COL25A1: variants seen among roughly 807,000 people sequenced by gnomAD.
COL25A1 encodes collagen type XXV alpha 1 chain, also known as collagen alpha-1(XXV) chain.
A neutral mutation model predicts 128.4 loss-of-function variants in COL25A1; 103 were observed. The observed-to-expected ratio is 0.80, with a 90% CI of 0.68 to 0.94. The LOEUF is 0.94. COL25A1 is among the 40% of genes least tolerant of loss of function. COL25A1 has a pLI of 0.00. For synonymous variants in COL25A1, 279 were observed against 277.2 expected (o/e 1.01, Z -0.06); for missense variants, 745 against 840.0 (o/e 0.89, Z 1.40).
At chr4:109,202,362 T>C (rs916001516) in intron 3 of COL25A1, among the ~76,000 whole-genome samples, 1 of 151,896 alleles carries the variant, frequency 6.6e-6, no homozygotes, top group Non-Finnish European at 1.5e-5. Flanking sequence ...ATGGAGAATG[T>C]TTTTTCAACA....
At chr4:108,933,877 C>CA (rs993521990) in intron 11 of COL25A1, among the ~76,000 whole-genome samples, 100 of 151,350 alleles carry the variant, frequency 6.6e-4, no homozygotes, top group African/African-American at 2.3e-3. Flanking sequence ...CACACACACA[C>CA]AATGTGTGAA....
At chr4:109,174,339 C>T (rs147531780) in intron 3 of COL25A1, among the ~76,000 whole-genome samples, 39 of 152,294 alleles carry the variant, frequency 2.6e-4, no homozygotes, top group Admixed American at 3.9e-4. Flanking sequence ...CCATTCTGTC[C>T]TGACAGATAA....
Position 109,050,078 on chromosome 4 carries a change from G to C in COL25A1, c.412+57C>G, listed in dbSNP as rs1040402545. ...ATATTATCATTAATTAGGAAGAACA[G>C]ATGCCGGAACTTAACCAGAACATGA... On this transcript the variant is annotated intron_variant, in intron 4 of 37. Transcript: ENST00000399132. The C allele has an allele frequency of 4.2e-6, 6 of 1,420,958 alleles. No individual in the cohort carries two copies. The African/African-American group carries it at 8.5e-5, about 20-fold the overall frequency. The allele number at this position is 1,420,958 out of a possible 1,614,324, so 88.0% of individuals were successfully genotyped here.
intron 3 of COL25A1, among the ~76,000 whole-genome samples, chr4:109,274,487 T>C (rs1225756131): frequency 1.3e-5 from 2 of 152,144 alleles, no homozygotes; most frequent in East Asian, 1.9e-4. Context: ...AATGAATAGC[T>C]AATAAAGAGT....
intron 3 of COL25A1, among the ~76,000 whole-genome samples, chr4:109,156,015 A>G (rs1045874525): frequency 6.6e-6 from 1 of 152,218 alleles, no homozygotes; most frequent in Non-Finnish European, 1.5e-5. Flanking sequence ...CTGTAGGAAC[A>G]AACTCTAAGT....
chr4:109,270,021 C>G (rs540672879), intron 3 of COL25A1, among the ~76,000 whole-genome samples: 6 of 152,008 alleles, frequency 3.9e-5, no homozygotes, highest in African/African-American at 1.5e-4. Flanking sequence ...ATTCAACAAC[C>G]TTTCATGCTA....
At chr4:108,829,123 A>C (rs1294633046) in intron 32 of COL25A1, among the ~76,000 whole-genome samples, 1 of 152,214 alleles carries the variant, frequency 6.6e-6, no homozygotes, top group East Asian at 1.9e-4. Context: ...ACATTTTTTT[A>C]AGAAGGGAAT....
chr4:109,064,019 C>T (rs1356020487), intron 3 of COL25A1, among the ~76,000 whole-genome samples: 1 of 152,264 alleles, frequency 6.6e-6, no homozygotes, highest in African/African-American at 2.4e-5. Context: ...GAAAGTAATA[C>T]TTGACAAACA....
chr4:108,886,490 G>GTTTTTTTTTTTT, intron 18 of COL25A1, among the ~76,000 whole-genome samples: 1 of 41,908 alleles, frequency 2.4e-5, no homozygotes, highest in African/African-American at 7.6e-5. Flanking sequence ...GTGTGTGTGT[G>GTTTTTTTTTTTT]TGTTTAGCTC....
chr4:109,178,835 CAA>C (rs34132262), intron 3 of COL25A1, among the ~76,000 whole-genome samples: 43 of 47,554 alleles, frequency 9.0e-4, no homozygotes, highest in Non-Finnish European at 1.4e-3. Flanking sequence ...ACTCCATCTC[CAA>C]AAAAAAAAAA....
intron 6 of COL25A1, among the ~76,000 whole-genome samples, chr4:108,981,625 A>T (rs1752982522): frequency 6.6e-6 from 1 of 152,216 alleles, no homozygotes; most frequent in Non-Finnish European, 1.5e-5. Context: ...TTAAGAGCTC[A>T]AGTTTTGGAG....
At chr4:109,159,009 T>C (rs1044695660) in intron 3 of COL25A1, among the ~76,000 whole-genome samples, 1 of 152,120 alleles carries the variant, frequency 6.6e-6, no homozygotes, top group Non-Finnish European at 1.5e-5. Context: ...AGTATGTATT[T>C]TATTATGACT....
intron 5 of COL25A1, among the ~76,000 whole-genome samples, chr4:109,047,391 A>G (rs1760528998): frequency 1.3e-5 from 2 of 152,186 alleles, no homozygotes; most frequent in South Asian, 4.1e-4. Context: ...AACGTTTTTC[A>G]TCATATGTTC....
intron 5 of COL25A1, among the ~76,000 whole-genome samples, chr4:109,034,862 C>T (rs556572916): frequency 9.9e-5 from 15 of 152,234 alleles, no homozygotes; most frequent in African/African-American, 3.6e-4. Flanking sequence ...TAATACTCCA[C>T]TATGGGGTTT....
chr4:109,302,064 C>T lies in COL25A1; in HGVS notation c.-45G>A. ...TCGGCTTCGCTTCCCACCCTCTACA[C>T]CTCAAATAATCCTAAAAGGAAAGAA... is the stretch of plus-strand genomic sequence containing the variant. On this transcript the variant is annotated 5_prime_UTR_variant, in exon 2 of 38. In the 5' UTR this introduces an upstream ATG that the reference lacks. Coordinates refer to ENST00000399132, the MANE Select transcript of COL25A1 (RefSeq NM_198721.4). 2 of 1,526,046 alleles carry T rather than the reference C, an allele frequency of 1.3e-6. No individual in the cohort carries two copies. Among genetic ancestry groups the T allele is most frequent in the Non-Finnish European group, 1.7e-6 (2 of 1,146,438 alleles). 94.5% of individuals were successfully genotyped at this position (1,526,046 alleles called of 1,614,324 possible).
At chr4:108,936,134 A>G (rs1171750511) in intron 11 of COL25A1, among the ~76,000 whole-genome samples, 2 of 152,246 alleles carry the variant, frequency 1.3e-5, no homozygotes, top group South Asian at 2.1e-4. Context: ...TTCATACTCT[A>G]TAACTCCATA....
chr4:109,223,396 T>A (rs533413150), intron 3 of COL25A1, among the ~76,000 whole-genome samples: 2 of 150,134 alleles, frequency 1.3e-5, no homozygotes, highest in South Asian at 4.2e-4. Context: ...ATATTCCACA[T>A]TTCCCCCCCC....
intron 20 of COL25A1, among the ~76,000 whole-genome samples, chr4:108,865,330 C>A (rs1737755434): frequency 6.6e-6 from 1 of 152,098 alleles, no homozygotes; most frequent in Non-Finnish European, 1.5e-5. Flanking sequence ...CTGTATCATG[C>A]CCACTTTGGG....
intron 6 of COL25A1, among the ~76,000 whole-genome samples, chr4:108,982,756 T>C (rs575156317): frequency 2.0e-5 from 3 of 152,288 alleles, no homozygotes; most frequent in Admixed American, 2.0e-4. Flanking sequence ...CAGCCTCACT[T>C]ACTAGAAAAC....
Sources: gnomAD v4.1 joint callset for allele counts (sites outside exome capture counted in the v4.1 genomes callset) on GRCh38, gnomAD v4.1.1 for gene constraint, MANE v1.5 for transcripts, NCBI Gene and HGNC (gene_info 2026-07-23, HGNC 2026-07-21) for gene names.